Variants in RUFY1 observed in about 807,000 individuals in gnomAD.
The protein encoded by RUFY1 is RUN and FYVE domain-containing protein 1.
A neutral mutation model predicts 94.6 loss-of-function variants in RUFY1; 54 were observed. That is an observed-to-expected ratio of 0.57 (90% CI 0.46 to 0.72). The LOEUF is 0.72. RUFY1 is among the 30% of genes least tolerant of loss of function. The pLI, the probability that RUFY1 is intolerant of heterozygous loss-of-function variation, is 0.00. For missense variants in RUFY1, 883 were observed against 883.9 expected, an observed-to-expected ratio of 1.00 and a Z score of 0.01; for synonymous variants, 396 against 347.3, an observed-to-expected ratio of 1.14 and a Z score of -1.56.
At chr5:179,561,228 TA>T (rs57028138) in intron 2 of RUFY1, among the ~76,000 whole-genome samples, 40,348 of 150,714 alleles carry the variant, frequency 0.27, 5,993 homozygotes, top group East Asian at 0.61. Context: ...AATAAATAAA[TA>T]AATTAATTAA....
At chr5:179,560,301 C>T (rs1762341222) in intron 2 of RUFY1, 103 bp downstream of exon 2, 1 of 1,410,458 alleles carries the variant, frequency 7.1e-7, no homozygotes, top group Non-Finnish European at 9.6e-7. Flanking sequence ...GAAATGCCAG[C>T]AGTGTACAGA....
intron 7 of RUFY1, among the ~76,000 whole-genome samples, chr5:179,582,634 C>T (rs1764251336): frequency 1.3e-5 from 2 of 152,028 alleles, no homozygotes; most frequent in Non-Finnish European, 2.9e-5. Flanking sequence ...GGGTGGATTA[C>T]CTGAGGTTGG....
At chr5:179,562,134 C>A (rs965064131) in intron 2 of RUFY1, among the ~76,000 whole-genome samples, 6 of 151,992 alleles carry the variant, frequency 3.9e-5, no homozygotes, top group African/African-American at 1.4e-4. Context: ...ATTAAGCAGG[C>A]CGGGCGCTGT....
chr5:179,586,115 A>T (rs1305768867), intron 8 of RUFY1, among the ~76,000 whole-genome samples: 1 of 152,164 alleles, frequency 6.6e-6, no homozygotes, highest in Non-Finnish European at 1.5e-5. Context: ...ATCCCATAGA[A>T]GGAAATTGTT....
intron 5 of RUFY1, among the ~76,000 whole-genome samples, chr5:179,575,258 TCAG>T (rs1763530675): frequency 6.6e-6 from 1 of 152,306 alleles, no homozygotes; most frequent in South Asian, 2.1e-4. Flanking sequence ...CTAACTGGGT[TCAG>T]CTAGTCGGTT....
chr5:179,597,609 T>G (rs1765799861), intron 13 of RUFY1, among the ~76,000 whole-genome samples: 1 of 152,152 alleles, frequency 6.6e-6, no homozygotes, highest in Non-Finnish European at 1.5e-5. Flanking sequence ...TGGCCTCAAG[T>G]GATCCACCCG....
Position 179,609,662 on chromosome 5 carries a change from G to A in RUFY1, c.*143G>A, listed in dbSNP as rs528290945. 6.9e-5 allele frequency: 54 copies of A among 783,818 alleles called. No homozygotes were observed. Among genetic ancestry groups the A allele is most frequent in the East Asian group, 3.6e-4 (12 of 32,946 alleles). 48.6% of individuals were successfully genotyped at this position (783,818 alleles called of 1,614,324 possible). A position where few individuals can be genotyped will look rare whatever the true frequency, so the allele number is the denominator to read the frequency against. Reference sequence around the variant, plus strand: ...GGTCACTGGCACTCCAGAAGACAGCGTGCCGGAACCGGCAGCTCTCACCTT... The same window carrying A: ...GGTCACTGGCACTCCAGAAGACAGCATGCCGGAACCGGCAGCTCTCACCTT... On this transcript the variant is annotated 3_prime_UTR_variant, in exon 18 of 18. Transcript: ENST00000319449.
intron 6 of RUFY1, among the ~76,000 whole-genome samples, chr5:179,577,466 C>T (rs1006143731): frequency 6.6e-6 from 1 of 151,322 alleles, no homozygotes; most frequent in Non-Finnish European, 1.5e-5. Context: ...CGCCCAGCCA[C>T]GTCACATTTT....
intron 16 of RUFY1, 113 bp downstream of exon 16, chr5:179,606,037 T>G: frequency 1.3e-6 from 1 of 746,648 alleles, no homozygotes; most frequent in Non-Finnish European, 2.3e-6. Context: ...GAGGCAGTGG[T>G]GATGACGTAT....
At chr5:179,564,982 G>GCAGT (rs1448863448) in intron 3 of RUFY1, among the ~76,000 whole-genome samples, 14 of 147,686 alleles carry the variant, frequency 9.5e-5, no homozygotes, top group Non-Finnish European at 1.9e-4. Context: ...TGTAAAATAT[G>GCAGT]TTAAATTTTT....
intron 5 of RUFY1, among the ~76,000 whole-genome samples, chr5:179,570,588 A>G (rs1190619756): frequency 1.3e-5 from 2 of 152,096 alleles, no homozygotes; most frequent in Non-Finnish European, 1.5e-5. Flanking sequence ...TAGGTACCCT[A>G]ACCCATTCCT....
chr5:179,605,799 C>A, intron 15 of RUFY1, 77 bp from the exon 16 acceptor site: 1 of 980,132 alleles, frequency 1.0e-6, no homozygotes, highest in Non-Finnish European at 1.6e-6. Context: ...AAAGCTAGTC[C>A]TGAGAGCCAG....
rs148906843 is a variant in RUFY1 at position 179,596,614 on chromosome 5, C to A, written c.1564C>A (p.Leu522Met). 1.0e-3 allele frequency: 1,673 copies of A among 1,613,120 alleles called. 3 individuals carry two copies. Among genetic ancestry groups the A allele is most frequent in the Non-Finnish European group, 1.3e-3 (1,545 of 1,179,960 alleles). ...RQGAEERSHKLQQELGGRIGA... is the reference protein window; with the variant it reads ...RQGAEERSHKMQQELGGRIGA... ...GGGGGCTGAGGAGCGGAGCCACAAG[C>A]TGCAGCAGGAGCTGGGCGGGAGGAT... is the stretch of plus-strand genomic sequence containing the variant. Residue 522 changes from leucine to methionine, a missense_variant, in exon 13 of 18, where the codon CTG (leucine) becomes ATG (methionine). Physicochemically the swap from Leu to Met is conservative, Grantham distance 15. Coordinates refer to ENST00000319449, the MANE Select transcript of RUFY1 (RefSeq NM_025158.5).
intron 17 of RUFY1, 94 bp from the exon 18 acceptor site, chr5:179,609,282 C>T (rs937242107): frequency 5.4e-5 from 73 of 1,360,660 alleles, no homozygotes; most frequent in Non-Finnish European, 7.3e-5. Flanking sequence ...AACCCATTCC[C>T]AGCAAATGAT....
At chr5:179,602,197 A>G (rs1766504382) in intron 15 of RUFY1, 2 of 557,586 alleles carry the variant, frequency 3.6e-6, no homozygotes, top group East Asian at 5.8e-5. Context: ...GCGAGCTCTT[A>G]GTTAATTCAG....
intron 16 of RUFY1, 141 bp downstream of exon 16, chr5:179,606,065 G>A (rs762983691): frequency 3.7e-5 from 24 of 647,270 alleles, no homozygotes; most frequent in Non-Finnish European, 6.0e-5. Flanking sequence ...GAAGCCAAAC[G>A]CTGCTCAGAA....
At position 179,596,565 on chromosome 5, in the gene RUFY1, G is replaced by A. The variant is rs1362540715; in HGVS notation, c.1515G>A (p.Leu505=). The A allele has an allele frequency of 1.2e-6, 2 of 1,613,618 alleles. No homozygotes were observed. The highest frequency in any genetic ancestry group is 1.7e-6 in the Non-Finnish European group (2 of 1,180,002). ...CTCTTGCTGGTGTCGCATCCAGGTT[G>A]CAGCACTCGGAGCGGGCGAGGCAGG... ...MSSMKQMEER[L]QHSERARQGA... Residue 505 remains leucine, a synonymous_variant, in exon 13 of 18, where the codon TTG becomes TTA. Transcript: ENST00000319449.
chr5:179,551,678 C>T (rs1228906267), intron 1 of RUFY1, among the ~76,000 whole-genome samples: 1 of 136,996 alleles, frequency 7.3e-6, no homozygotes, highest in African/African-American at 2.7e-5. Flanking sequence ...CCGCCCCCAC[C>T]CCCCTCCCAT....
Position 179,550,810 on chromosome 5 carries a change from T to A in RUFY1, c.241T>A (p.Cys81Ser). The A allele has an allele frequency of 7.7e-7, 1 of 1,294,572 alleles. No individual in the cohort carries two copies. Among genetic ancestry groups the A allele is most frequent in the Non-Finnish European group, 9.8e-7 (1 of 1,023,430 alleles). The allele number at this position is 1,294,572 out of a possible 1,614,324, so 80.2% of individuals were successfully genotyped here. The change falls in exon 1 of 18, where the codon TGC (cysteine) becomes AGC (serine). Residue 81 changes from cysteine to serine, a missense_variant. Coordinates refer to ENST00000319449, the MANE Select transcript of RUFY1 (RefSeq NM_025158.5). ...RRATGNLSASCGSALRAAAGL... is the reference protein window; with the variant it reads ...RRATGNLSASSGSALRAAAGL... ...GGCCACCGGGAACCTGTCGGCGAGC[T>A]GCGGGAGCGCGCTGCGCGCGGCCGC...
Sources: allele counts gnomAD v4.1 joint callset (sites outside exome capture counted in the v4.1 genomes callset), GRCh38; gene constraint gnomAD v4.1.1; transcripts MANE v1.5; gene names NCBI Gene and HGNC (gene_info 2026-07-23, HGNC 2026-07-21).